GRM1: variants seen among roughly 807,000 people sequenced by gnomAD.
The protein encoded by GRM1 is metabotropic glutamate receptor 1.
Under a neutral mutation model 90.9 loss-of-function variants are expected in GRM1, and 33 were observed. That is an observed-to-expected ratio of 0.36 (90% CI 0.28 to 0.49). The LOEUF is 0.49. Among genes scored for constraint, GRM1 ranks in the 20% least tolerant of loss-of-function variants. The pLI, the probability that GRM1 is intolerant of heterozygous loss-of-function variation, is 0.99. For synonymous variants in GRM1, 700 were observed against 613.2 expected, an observed-to-expected ratio of 1.14 and a Z score of -2.09; for missense variants, 1,190 against 1,534.3, an observed-to-expected ratio of 0.78 and a Z score of 3.75.
chr6:146,286,752 A>C (rs1782779275), intron 2 of GRM1, among the ~76,000 whole-genome samples: 1 of 152,236 alleles, frequency 6.6e-6, no homozygotes, highest in Admixed American at 6.5e-5. Context: ...TTCAACTGAC[A>C]TTGATGACCT....
chr6:146,238,893 G>A (rs1370649603), intron 2 of GRM1, among the ~76,000 whole-genome samples: 1 of 152,090 alleles, frequency 6.6e-6, no homozygotes, highest in South Asian at 2.1e-4. Flanking sequence ...TAAATAGAAG[G>A]TTAAGCCTAA....
rs760312188 is a variant in GRM1, at chr6:146,434,121, G to T, written c.2910G>T (p.Pro970=). ...EEDAQPIRFS[P]PGSPSMVVHR... ...ATGCCCAGCCGATTCGCTTTAGCCCGCCTGGTAGCCCTTCCATGGTGGTGC... is the reference window on the plus strand; with the variant it reads ...ATGCCCAGCCGATTCGCTTTAGCCCTCCTGGTAGCCCTTCCATGGTGGTGC... The change falls in exon 8 of 8, where the codon CCG becomes CCT. Residue 970 remains proline, a synonymous_variant. Transcript: ENST00000282753. 4 of 1,614,112 alleles carry T rather than the reference G, an allele frequency of 2.5e-6. No homozygotes were observed. The Admixed American group carries it at 5.0e-5, about 20-fold the overall frequency.
intron 2 of GRM1, among the ~76,000 whole-genome samples, chr6:146,205,489 C>T (rs902895851): frequency 2.6e-5 from 4 of 152,070 alleles, no homozygotes; most frequent in Non-Finnish European, 4.4e-5. Context: ...GGTAAAGCAA[C>T]GGAAATAACA....
chr6:146,162,680 C>T (rs991417471), intron 2 of GRM1, among the ~76,000 whole-genome samples: 2 of 152,094 alleles, frequency 1.3e-5, no homozygotes, highest in Admixed American at 6.6e-5. Context: ...GCCTTCAAAG[C>T]TCCATATTTG....
At chr6:146,334,859 A>G (rs1209786654) in intron 3 of GRM1, among the ~76,000 whole-genome samples, 2 of 152,116 alleles carry the variant, frequency 1.3e-5, no homozygotes, top group Non-Finnish European at 2.9e-5. Context: ...CTTTGTCTTG[A>G]CAACATCATT....
chr6:146,100,217 A>G (rs1172610335), intron 1 of GRM1, among the ~76,000 whole-genome samples: 2 of 152,128 alleles, frequency 1.3e-5, no homozygotes, highest in African/African-American at 2.4e-5. Flanking sequence ...CTACTCTTCT[A>G]TTGAAGTATT....
At position 146,434,917 on chromosome 6, in the gene GRM1, C is replaced by CGCTGCTGCTGCTGCCGCTACT; in HGVS notation, c.*133_*153dup. The CGCTGCTGCTGCTGCCGCTACT allele has an allele frequency of 2.4e-6, 2 of 841,978 alleles. No homozygotes were observed. Among genetic ancestry groups the CGCTGCTGCTGCTGCCGCTACT allele is most frequent in the Non-Finnish European group, 2.0e-6 (1 of 510,202 alleles). The allele number at this position is 841,978 out of a possible 1,614,324, so 52.2% of individuals were successfully genotyped here. ...GGGCCTCGTCGGGAGGACAGGAGAC[C>CGCTGCTGCTGCTGCCGCTACT]GCTGCTGCTGCTGCCGCTACTGCTG... On this transcript the variant is annotated 3_prime_UTR_variant, in exon 8 of 8. Coordinates refer to ENST00000282753, the MANE Select transcript of GRM1 (RefSeq NM_001278064.2).
At chr6:146,099,194 C>G (rs1417790254) in intron 1 of GRM1, among the ~76,000 whole-genome samples, 1 of 152,074 alleles carries the variant, frequency 6.6e-6, no homozygotes, top group African/African-American at 2.4e-5. Context: ...TGAAACCAGC[C>G]TAGGCAACAC....
intron 2 of GRM1, among the ~76,000 whole-genome samples, chr6:146,230,367 C>A (rs1046310630): frequency 6.6e-6 from 1 of 152,104 alleles, no homozygotes; most frequent in East Asian, 1.9e-4. Flanking sequence ...TTCATAGTCA[C>A]CTCACCGAAG....
chr6:146,418,543 C>T (rs1290938427), intron 7 of GRM1, among the ~76,000 whole-genome samples: 1 of 151,670 alleles, frequency 6.6e-6, no homozygotes, highest in Non-Finnish European at 1.5e-5. Flanking sequence ...CATGCATATA[C>T]ATACACACTA....
intron 2 of GRM1, among the ~76,000 whole-genome samples, chr6:146,280,380 G>C (rs200691984): frequency 6.6e-6 from 1 of 152,142 alleles, no homozygotes; most frequent in East Asian, 1.9e-4. Context: ...AACACATGAT[G>C]ACTATGATTC....
Position 146,029,945 on chromosome 6 carries a change from A to T in GRM1, c.428A>T (p.Asp143Val), listed in dbSNP as rs766288983. ...EKDGINRCLP[D>V]GQSLPPGRTK... ...GATGGGATCAACCGGTGTCTGCCTG[A>T]CGGCCAGTCCCTCCCCCCAGGCAGG... Residue 143 changes from aspartate (D) to valine (V), a missense_variant, in exon 1 of 8, where the codon GAC (aspartate) becomes GTC (valine). By Grantham distance (152) the Asp-to-Val change is radical. Coordinates refer to ENST00000282753, the MANE Select transcript of GRM1 (RefSeq NM_001278064.2). 9.3e-6 allele frequency: 15 copies of T among 1,614,022 alleles called. 1 individual carries two copies. The Middle Eastern group carries it at 2.1e-3, about 231-fold the overall frequency.
At chr6:146,165,763 C>G (rs1777883122) in intron 2 of GRM1, among the ~76,000 whole-genome samples, 1 of 152,076 alleles carries the variant, frequency 6.6e-6, no homozygotes, top group South Asian at 2.1e-4. Context: ...GTTTAGAATA[C>G]TCTGGAGAAT....
At chr6:146,374,140 T>A (rs1776005125) in intron 5 of GRM1, among the ~76,000 whole-genome samples, 1 of 115,118 alleles carries the variant, frequency 8.7e-6, no homozygotes, top group African/African-American at 4.8e-5. Context: ...TATCCTTTAT[T>A]CTGTTGATAT....
At chr6:146,044,792 G>GA (rs564457989) in intron 1 of GRM1, among the ~76,000 whole-genome samples, 8 of 151,512 alleles carry the variant, frequency 5.3e-5, no homozygotes, top group South Asian at 4.2e-4. Flanking sequence ...TCTTAAAAAT[G>GA]AAAAAAAATC....
In GRM1 at chr6:146,040,194, A is replaced by G. The variant is rs151213860; in HGVS notation, c.700+9977A>G. Among the ~76,000 whole-genome samples, 830 of 152,124 alleles carry G rather than the reference A, an allele frequency of 5.5e-3. 1 individual carries two copies. The highest frequency in any genetic ancestry group is 8.5e-3 in the Non-Finnish European group (578 of 67,920). ...AACCTCATGTTATGAAAGCCAATGG[A>G]GGAGACAGTTTTGATAATAGAACAG... On this transcript the variant is annotated intron_variant, in intron 1 of 7. Transcript: ENST00000282753.
At chr6:146,339,081 A>C (rs533967193) in intron 3 of GRM1, among the ~76,000 whole-genome samples, 1 of 152,354 alleles carries the variant, frequency 6.6e-6, no homozygotes, top group African/African-American at 2.4e-5. Flanking sequence ...TGAACAGCTA[A>C]GTAGGCAATT....
chr6:146,136,115 T>G (rs756483979), intron 1 of GRM1, among the ~76,000 whole-genome samples: 1 of 152,244 alleles, frequency 6.6e-6, no homozygotes, highest in Non-Finnish European at 1.5e-5. Context: ...GAATATATCA[T>G]TCTTGTTATG....
intron 2 of GRM1, among the ~76,000 whole-genome samples, chr6:146,183,442 C>T (rs1300371061): frequency 6.6e-6 from 1 of 152,072 alleles, no homozygotes; most frequent in Non-Finnish European, 1.5e-5. Context: ...CACTTCCCAG[C>T]TCTTAGGATT....
Sources: gnomAD v4.1 joint callset for allele counts (sites outside exome capture counted in the v4.1 genomes callset) on GRCh38, gnomAD v4.1.1 for gene constraint, MANE v1.5 for transcripts, NCBI Gene and HGNC (gene_info 2026-07-23, HGNC 2026-07-21) for gene names.